Variants in CTNNA3 observed in about 807,000 individuals in gnomAD.
CTNNA3 encodes catenin alpha-3.
Under a neutral mutation model 95.7 loss-of-function variants are expected in CTNNA3, and 76 were observed. The observed-to-expected ratio is 0.79, with a 90% confidence interval of 0.66 to 0.96. The LOEUF (loss-of-function observed/expected upper bound fraction) is 0.96, where lower values mean the gene tolerates loss of function less well. Among genes scored for constraint, CTNNA3 ranks in the 40% least tolerant of loss-of-function variants. CTNNA3 has a pLI of 0.00. For missense variants in CTNNA3, 1,191 were observed against 1,089.8 expected, an observed-to-expected ratio of 1.09 and a Z score of -1.31; for synonymous variants, 431 against 374.4, an observed-to-expected ratio of 1.15 and a Z score of -1.74.
intron 5 of CTNNA3, among the ~76,000 whole-genome samples, chr10:67,470,016 G>T (rs377063150): frequency 6.6e-6 from 1 of 152,014 alleles, no homozygotes; most frequent in East Asian, 1.9e-4. Flanking sequence ...CCCTGTTGTG[G>T]TATCAAATAC....
chr10:66,833,711 T>C (rs952260840), intron 7 of CTNNA3, among the ~76,000 whole-genome samples: 1 of 152,082 alleles, frequency 6.6e-6, no homozygotes, highest in African/African-American at 2.4e-5. Context: ...TGAGATGAGT[T>C]TCAGTACTGT....
At chr10:66,256,141 G>A (rs373701416) in intron 13 of CTNNA3, among the ~76,000 whole-genome samples, 4 of 152,148 alleles carry the variant, frequency 2.6e-5, no homozygotes, top group Admixed American at 6.5e-5. Context: ...GAAAAAGACC[G>A]TAAGAAAACC....
chr10:66,196,209 A>G (rs963975608), intron 13 of CTNNA3, among the ~76,000 whole-genome samples: 1 of 152,204 alleles, frequency 6.6e-6, no homozygotes, highest in African/African-American at 2.4e-5. Flanking sequence ...AAGGTTAAAC[A>G]TTTGGAAATC....
At chr10:67,623,994 T>C (rs1254407611) in intron 2 of CTNNA3, among the ~76,000 whole-genome samples, 1 of 152,084 alleles carries the variant, frequency 6.6e-6, no homozygotes, top group Non-Finnish European at 1.5e-5. Flanking sequence ...GCTAATTTTT[T>C]GTATTTTTAG....
chr10:67,726,577 TATATAATATGTAATATTATATTAC>T (rs1447046153), intron 1 of CTNNA3, among the ~76,000 whole-genome samples: 1 of 71,884 alleles, frequency 1.4e-5, no homozygotes, highest in Non-Finnish European at 2.3e-5. Context: ...TATTACATAT[TATATAATATGTAATATTATATTAC>T]ATATTATATA....
At chr10:66,563,536 G>C (rs1372269808) in intron 10 of CTNNA3, among the ~76,000 whole-genome samples, 2 of 151,984 alleles carry the variant, frequency 1.3e-5, no homozygotes, top group Non-Finnish European at 2.9e-5. Context: ...TTTCATATGA[G>C]AAAGAAAAAT....
chr10:67,131,820 G>A (rs1166231967), intron 7 of CTNNA3, among the ~76,000 whole-genome samples: 1 of 152,082 alleles, frequency 6.6e-6, no homozygotes, highest in Non-Finnish European at 1.5e-5. Context: ...GGTTAAATGA[G>A]AATAAGTGAA....
intron 15 of CTNNA3, among the ~76,000 whole-genome samples, chr10:66,036,890 T>TTTTTA (rs2079575198): frequency 1.3e-5 from 1 of 75,210 alleles, no homozygotes; most frequent in Non-Finnish European, 2.7e-5. Context: ...TTTTTTTTTT[T>TTTTTA]GAGACTGAGT....
At chr10:66,942,132 T>G (rs1848030970) in intron 7 of CTNNA3, among the ~76,000 whole-genome samples, 1 of 152,158 alleles carries the variant, frequency 6.6e-6, no homozygotes, top group Non-Finnish European at 1.5e-5. Flanking sequence ...TAACATATGT[T>G]TGCAGGCACA....
In CTNNA3 at chr10:66,720,254, G is replaced by A. The variant is rs74396376; in HGVS notation, c.1281+46010C>T. Among the ~76,000 whole-genome samples, 1,113 of 152,218 alleles carry A rather than the reference G, an allele frequency of 7.3e-3. 7 individuals carry two copies. Among genetic ancestry groups the A allele is most frequent in the African/African-American group, 0.025 (1,043 of 41,534 alleles). On this transcript the variant is annotated intron_variant, in intron 9 of 17. Coordinates refer to ENST00000433211, the MANE Select transcript of CTNNA3 (RefSeq NM_013266.4). ...AGAAGGGCTATTTGAAGGTAAGAAG[G>A]TGAAGGCAGTCACCTTTTATGCCTT...
At chr10:66,969,263 T>C (rs918326746) in intron 7 of CTNNA3, among the ~76,000 whole-genome samples, 8 of 152,120 alleles carry the variant, frequency 5.3e-5, no homozygotes, top group African/African-American at 1.9e-4. Flanking sequence ...TGTGAAATGA[T>C]ACTGTATATC....
At chr10:66,080,934 T>C (rs1356867868) in intron 14 of CTNNA3, among the ~76,000 whole-genome samples, 1 of 152,154 alleles carries the variant, frequency 6.6e-6, no homozygotes, top group Non-Finnish European at 1.5e-5. Flanking sequence ...AGAAAGATAT[T>C]ATATTTTGTT....
chr10:67,447,332 T>C (rs1846792277), intron 5 of CTNNA3, among the ~76,000 whole-genome samples: 1 of 152,236 alleles, frequency 6.6e-6, no homozygotes, highest in African/African-American at 2.4e-5. Flanking sequence ...ATTTTTTTCT[T>C]TGAAATCTTT....
intron 13 of CTNNA3, among the ~76,000 whole-genome samples, chr10:66,250,887 C>G (rs2090522090): frequency 6.6e-6 from 1 of 152,118 alleles, no homozygotes; most frequent in Non-Finnish European, 1.5e-5. Context: ...TGGCCATTTT[C>G]TAGAGGGTAA....
intron 15 of CTNNA3, among the ~76,000 whole-genome samples, chr10:66,062,434 C>A (rs529772548): frequency 2.8e-4 from 42 of 152,088 alleles, no homozygotes; most frequent in Middle Eastern, 3.4e-3. Flanking sequence ...CTCACAGGTC[C>A]CACTACAAAC....
chr10:67,378,084 C>T (rs1310571446), intron 5 of CTNNA3, among the ~76,000 whole-genome samples: 2 of 151,478 alleles, frequency 1.3e-5, no homozygotes, highest in Non-Finnish European at 2.9e-5. Context: ...ATCTCTATCA[C>T]CTTCTTCCCC....
chr10:67,478,357 T>C (rs1337830937), intron 5 of CTNNA3, among the ~76,000 whole-genome samples: 2 of 151,894 alleles, frequency 1.3e-5, no homozygotes, highest in African/African-American at 4.8e-5. Context: ...GTCAATGTTA[T>C]AAAAAAAATC....
intron 13 of CTNNA3, among the ~76,000 whole-genome samples, chr10:66,203,140 A>T (rs2087542008): frequency 6.6e-6 from 1 of 152,178 alleles, no homozygotes; most frequent in Non-Finnish European, 1.5e-5. Context: ...CTGATAGAAG[A>T]TCCAACCATT....
intron 3 of CTNNA3, among the ~76,000 whole-genome samples, chr10:67,598,149 C>G (rs1416655767): frequency 2.0e-5 from 3 of 152,134 alleles, no homozygotes; most frequent in African/African-American, 7.2e-5. Flanking sequence ...GTATGGCAAG[C>G]CTTGGGGGCT....
Sources: gnomAD v4.1 joint callset for allele counts (sites outside exome capture counted in the v4.1 genomes callset) on GRCh38, gnomAD v4.1.1 for gene constraint, MANE v1.5 for transcripts, NCBI Gene and HGNC (gene_info 2026-07-23, HGNC 2026-07-21) for gene names.